Variants in CNTN5 observed in about 807,000 individuals in gnomAD.
The protein encoded by CNTN5 is contactin-5.
A neutral mutation model predicts 129.1 loss-of-function variants in CNTN5; 77 were observed. The ratio of observed to expected loss-of-function variants is 0.60; its 90% CI spans 0.50 to 0.72. The LOEUF (loss-of-function observed/expected upper bound fraction) is 0.72. Ranked by LOEUF, CNTN5 falls within the 30% of genes least tolerant of loss-of-function variation. The pLI is 0.00. For synonymous variants in CNTN5, 509 were observed against 465.6 expected (o/e 1.09, Z -1.20); for missense variants, 1,478 against 1,328.8 (o/e 1.11, Z -1.75).
At chr11:99,135,484 A>G (rs547557318) in intron 1 of CNTN5, among the ~76,000 whole-genome samples, 18 of 152,278 alleles carry the variant, frequency 1.2e-4, no homozygotes, top group African/African-American at 3.9e-4. Flanking sequence ...AACAGAAAGA[A>G]AGCCAGGGCG....
chr11:99,941,195 G>A (rs1469240811), intron 7 of CNTN5, among the ~76,000 whole-genome samples: 1 of 151,912 alleles, frequency 6.6e-6, no homozygotes, highest in Non-Finnish European at 1.5e-5. Context: ...TACTGGAATT[G>A]GTTCAAGTCT....
chr11:100,061,477 GT>G, intron 10 of CNTN5, 84 bp downstream of exon 10: 1 of 1,030,040 alleles, frequency 9.7e-7, no homozygotes, highest in Non-Finnish European at 1.4e-6. Flanking sequence ...AATATTGTTT[GT>G]TAGGTACATA....
chr11:99,372,471 C>G (rs1460775207), intron 2 of CNTN5, among the ~76,000 whole-genome samples: 1 of 152,108 alleles, frequency 6.6e-6, no homozygotes, highest in Non-Finnish European at 1.5e-5. Context: ...TTAAAACAAT[C>G]TAAAGGAAGG....
intron 2 of CNTN5, among the ~76,000 whole-genome samples, chr11:99,446,412 G>A (rs910515942): frequency 1.3e-5 from 2 of 151,958 alleles, no homozygotes; most frequent in South Asian, 2.1e-4. Context: ...TTTTCACTTG[G>A]TTAGTTCAGT....
intron 8 of CNTN5, among the ~76,000 whole-genome samples, chr11:99,995,610 T>C (rs543882989): frequency 3.9e-4 from 59 of 152,292 alleles, no homozygotes; most frequent in African/African-American, 1.3e-3. Context: ...CACATACATA[T>C]GCAAAATAAT....
chr11:99,280,655 T>C (rs920233166), intron 1 of CNTN5, among the ~76,000 whole-genome samples: 16 of 151,816 alleles, frequency 1.1e-4, no homozygotes, highest in Non-Finnish European at 1.9e-4. Context: ...CTCTGTTTTA[T>C]ACAGTATACA....
chr11:99,070,396 C>G (rs1292073471), intron 1 of CNTN5, among the ~76,000 whole-genome samples: 3 of 151,830 alleles, frequency 2.0e-5, no homozygotes, highest in Non-Finnish European at 4.4e-5. Flanking sequence ...TAAATGGTTT[C>G]TATTAATAAA....
chr11:99,570,669 C>T (rs1475640535), intron 3 of CNTN5, among the ~76,000 whole-genome samples: 1 of 152,164 alleles, frequency 6.6e-6, no homozygotes, highest in East Asian at 1.9e-4. Flanking sequence ...GGCAAAATCC[C>T]TGTCTTTCTG....
intron 3 of CNTN5, among the ~76,000 whole-genome samples, chr11:99,576,724 G>C (rs1166365782): frequency 6.6e-6 from 1 of 152,100 alleles, no homozygotes. Context: ...TTTGGTGTTT[G>C]GGGAGGGTGT....
rs971469747 is a variant in CNTN5, at chr11:99,799,511, G to A, written c.56-20033G>A. Among the ~76,000 whole-genome samples, 7 of 151,826 alleles carry A rather than the reference G, an allele frequency of 4.6e-5. No homozygotes were observed. The South Asian group carries it at 8.3e-4, about 18-fold the overall frequency. ...CCTTGTCTTTTGAGATCATCATGTC[G>A]TTTTTGTTTTTAATTCTGTTCATGT... On this transcript the variant is annotated intron_variant, in intron 3 of 24. Coordinates refer to ENST00000524871, the MANE Select transcript of CNTN5 (RefSeq NM_014361.4).
At chr11:100,174,410 T>A (rs1176142614) in intron 13 of CNTN5, among the ~76,000 whole-genome samples, 1 of 152,138 alleles carries the variant, frequency 6.6e-6, no homozygotes, top group Non-Finnish European at 1.5e-5. Context: ...GTTCTTAACC[T>A]TGTTTTCATC....
rs1026682372 is a variant in CNTN5 at position 99,430,732 on chromosome 11, G to C, written c.-71+105248G>C. Among the ~76,000 whole-genome samples, 11 of 151,956 alleles carry C rather than the reference G, an allele frequency of 7.2e-5. No homozygotes were observed. The South Asian group carries it at 2.3e-3, about 32-fold the overall frequency. On this transcript the variant is annotated intron_variant, in intron 2 of 24. Transcript: ENST00000524871. ...TAACCATAGGCCTCCAAAACAAAAG[G>C]TTGGGGGGGCGGGGAGAAAAAGACA...
intron 1 of CNTN5, among the ~76,000 whole-genome samples, chr11:99,210,538 A>G (rs1330020894): frequency 6.6e-6 from 1 of 152,052 alleles, no homozygotes; most frequent in Non-Finnish European, 1.5e-5. Flanking sequence ...GGAAGTAAGA[A>G]TTGTTTGTAT....
intron 3 of CNTN5, among the ~76,000 whole-genome samples, chr11:99,770,037 T>C (rs529534634): frequency 1.3e-5 from 2 of 152,256 alleles, no homozygotes; most frequent in South Asian, 4.1e-4. Context: ...AAAATCTATT[T>C]AGAAAAGTTC....
chr11:100,285,587 G>C (rs976594020), intron 18 of CNTN5, among the ~76,000 whole-genome samples: 2 of 152,232 alleles, frequency 1.3e-5, no homozygotes, highest in Non-Finnish European at 2.9e-5. Context: ...TAGAGGAAAA[G>C]AAGTGTTGAA....
intron 2 of CNTN5, among the ~76,000 whole-genome samples, chr11:99,499,893 A>G (rs540813327): frequency 2.0e-5 from 3 of 152,316 alleles, no homozygotes; most frequent in Admixed American, 1.3e-4. Flanking sequence ...ATTGGGTGCC[A>G]TAGAAAAAGT....
At chr11:99,214,327 G>T (rs984468549) in intron 1 of CNTN5, among the ~76,000 whole-genome samples, 2 of 149,620 alleles carry the variant, frequency 1.3e-5, no homozygotes, top group Admixed American at 1.3e-4. Context: ...TTAAAAACCA[G>T]ACTAGTCTGT....
chr11:99,937,941 A>G (rs568235472), intron 7 of CNTN5, among the ~76,000 whole-genome samples: 80 of 152,298 alleles, frequency 5.3e-4, no homozygotes, highest in South Asian at 3.9e-3. Flanking sequence ...TATACCTTTT[A>G]CTGTGTTTAA....
chr11:99,157,336 ACTT>A (rs961776636), intron 1 of CNTN5, among the ~76,000 whole-genome samples: 1 of 151,982 alleles, frequency 6.6e-6, no homozygotes, highest in African/African-American at 2.4e-5. Flanking sequence ...TGTTATATAG[ACTT>A]CTGTGAAAAA....
Sources: allele counts gnomAD v4.1 joint callset (sites outside exome capture counted in the v4.1 genomes callset), GRCh38; gene constraint gnomAD v4.1.1; transcripts MANE v1.5; gene names NCBI Gene and HGNC (gene_info 2026-07-23, HGNC 2026-07-21).